The following USP24 variants were observed in gnomAD, a reference collection of about 807,000 sequenced individuals.
USP24 encodes ubiquitin carboxyl-terminal hydrolase 24.
USP24 carries 97 observed loss-of-function variants against 361.6 expected under a neutral mutation model. That is an observed-to-expected ratio of 0.27 (90% CI 0.23 to 0.32). The LOEUF (loss-of-function observed/expected upper bound fraction) is 0.32, where lower values mean the gene tolerates loss of function less well. Ranked by LOEUF, USP24 falls within the 10% of genes least tolerant of loss-of-function variation. The pLI, the probability that USP24 is intolerant of heterozygous loss-of-function variation, is 1.00. For synonymous variants in USP24, 1,098 were observed against 1,124.6 expected (o/e 0.98, Z 0.47); for missense variants, 2,353 against 3,165.6 (o/e 0.74, Z 6.16).
In USP24 at chr1:55,110,756, T is replaced by C. The variant is rs938639242; in HGVS notation, c.4509-510A>G. On this transcript the variant is annotated intron_variant, in intron 38 of 67. Transcript: ENST00000294383. ...ATCAAAGAAGCTTTTTCTGCAATTA[T>C]AGTAGTGAACAGCACAGGTTTTAGA... 6.6e-5 allele frequency among the ~76,000 whole-genome samples: 10 copies of C among 152,152 alleles called. No homozygotes were observed. In the East Asian group the frequency reaches 7.7e-4, roughly 12 times the overall value.
chr1:55,114,512 CA>C (rs1174379626), intron 38 of USP24, among the ~76,000 whole-genome samples: 1 of 152,122 alleles, frequency 6.6e-6, no homozygotes, highest in Non-Finnish European at 1.5e-5. Flanking sequence ...GCTACAGTAC[CA>C]AAACAGCATG....
intron 63 of USP24, among the ~76,000 whole-genome samples, chr1:55,074,317 A>G (rs1045732174): frequency 1.3e-5 from 2 of 152,092 alleles, no homozygotes; most frequent in African/African-American, 4.8e-5. Context: ...AGCAATTATC[A>G]CCTGCTCTAT....
At chr1:55,198,518 G>T (rs568712038) in intron 1 of USP24, among the ~76,000 whole-genome samples, 3 of 152,220 alleles carry the variant, frequency 2.0e-5, no homozygotes, top group African/African-American at 7.2e-5. Flanking sequence ...TGACAATTTG[G>T]GCTAGACAAT....
chr1:55,149,668 A>G (rs1457837083), intron 16 of USP24, among the ~76,000 whole-genome samples: 1 of 152,212 alleles, frequency 6.6e-6, no homozygotes, highest in East Asian at 1.9e-4. Context: ...AATTATGTCA[A>G]AAGAAACTCA....
At chr1:55,199,807 A>G (rs1314285963) in intron 1 of USP24, among the ~76,000 whole-genome samples, 1 of 152,188 alleles carries the variant, frequency 6.6e-6, no homozygotes, top group Non-Finnish European at 1.5e-5. Flanking sequence ...GTCCATTTTC[A>G]TGCCACTGAT....
At chr1:55,188,949 A>G (rs539109696) in intron 1 of USP24, among the ~76,000 whole-genome samples, 3 of 133,496 alleles carry the variant, frequency 2.2e-5, no homozygotes, top group Admixed American at 8.6e-5. Flanking sequence ...GGACAACAAG[A>G]GCAAAACTCC....
intron 32 of USP24, among the ~76,000 whole-genome samples, chr1:55,126,636 G>A (rs545451618): frequency 1.2e-4 from 18 of 152,328 alleles, no homozygotes; most frequent in Admixed American, 3.3e-4. Flanking sequence ...AAATGGCTGA[G>A]TGATGTGAAA....
chr1:55,178,450 C>T (rs373853967), intron 1 of USP24, among the ~76,000 whole-genome samples: 5 of 152,070 alleles, frequency 3.3e-5, no homozygotes, highest in South Asian at 2.1e-4. Context: ...GGGTGGATCA[C>T]GAGGTCAGGA....
chr1:55,092,692 C>T (rs1645409019), intron 53 of USP24, 129 bp downstream of exon 53: 11 of 666,320 alleles, frequency 1.7e-5, no homozygotes, highest in East Asian at 3.3e-5. Context: ...GCTACATTCA[C>T]GGGAAAACCT....
At chr1:55,080,357 A>G (rs1023687903) in intron 59 of USP24, among the ~76,000 whole-genome samples, 1 of 152,212 alleles carries the variant, frequency 6.6e-6, no homozygotes, top group African/African-American at 2.4e-5. Context: ...GCATTTCTCT[A>G]TCAGAAGGAT....
In USP24 at chr1:55,148,557, T is replaced by C. The variant is rs891684761; in HGVS notation, c.1874A>G (p.Asn625Ser). The change falls in exon 17 of 68, where the codon AAT becomes AGT. Residue 625 changes from asparagine (N) to serine (S), a missense_variant. Physicochemically the swap from Asn to Ser is conservative, Grantham distance 46. This residue lies in a region of USP24 where 386 missense variants were observed against 560.5 expected (regional missense o/e 0.69). Transcript: ENST00000294383. ...KKDGFKSSQL[N>S]NPQFVWVVPA... ...TACCACCCATACAAACTGGGGATTA[T>C]TAAGCTGAGATGACTAGAGTTAAAA... is the stretch of plus-strand genomic sequence containing the variant. 1.9e-6 allele frequency: 3 copies of C among 1,584,548 alleles called. No homozygotes were observed. In the African/African-American group the frequency reaches 4.0e-5, roughly 21 times the overall value.
At chr1:55,117,454 C>T (rs952773513) in intron 38 of USP24, among the ~76,000 whole-genome samples, 2 of 152,198 alleles carry the variant, frequency 1.3e-5, no homozygotes, top group African/African-American at 2.4e-5. Flanking sequence ...TGTGGCCGGG[C>T]GCGGTGGCTC....
Position 55,134,217 on chromosome 1 carries a change from A to G in USP24, c.3288-54T>C, listed in dbSNP as rs145683697. On this transcript the variant is annotated intron_variant, in intron 29 of 67. Coordinates refer to ENST00000294383, the MANE Select transcript of USP24 (RefSeq NM_015306.3). ...ATATAAGCCATAGTTTAATTCAACA[A>G]AGTCCATTAGTATGGAATATAAAAT... 630 of 1,583,740 alleles carry G rather than the reference A, an allele frequency of 4.0e-4. 6 individuals are homozygous for G. In the East Asian group the frequency reaches 0.014, roughly 34 times the overall value.
intron 1 of USP24, among the ~76,000 whole-genome samples, chr1:55,201,896 C>G (rs1333993541): frequency 2.0e-5 from 3 of 152,130 alleles, no homozygotes; most frequent in African/African-American, 7.2e-5. Flanking sequence ...CCTACCCTAT[C>G]TCTGCCAACT....
rs983175767 is a variant in USP24, at chr1:55,172,635, T to A, written c.559-115A>T. On this transcript the variant is annotated intron_variant, in intron 3 of 67. Transcript: ENST00000294383. ...ATTATGATGAAAATACTTTTTTATG[T>A]AGATGATTGGCTTTTAAAAGACCCA... The A allele has an allele frequency of 7.8e-6, 9 of 1,155,026 alleles. No individual in the cohort carries two copies. In the East Asian group the frequency reaches 1.9e-4, roughly 24 times the overall value. The allele number at this position is 1,155,026 out of a possible 1,614,324, so 71.5% of individuals were successfully genotyped here. A position where few individuals can be genotyped will look rare whatever the true frequency, so the allele number is the denominator to read the frequency against.
Position 55,132,569 on chromosome 1 carries a change from G to C in USP24, c.3513C>G (p.Thr1171=). 3.1e-6 allele frequency: 5 copies of C among 1,613,612 alleles called. No individual in the cohort carries two copies. The highest frequency in any genetic ancestry group is 4.2e-6 in the Non-Finnish European group (5 of 1,179,634). Residue 1171 remains threonine, a synonymous_variant, in exon 31 of 68, where the codon ACC becomes ACG. Coordinates refer to ENST00000294383, the MANE Select transcript of USP24 (RefSeq NM_015306.3). ...CTTCTAAGTTGTAGAGCACTCTGAA[G>C]GTAGACATTCCCGGGGCAAAAGATC... ...LFRSFAPGMS[T]FRVLYNLEVL...
chr1:55,119,855 A>G (rs1363319425), intron 38 of USP24, among the ~76,000 whole-genome samples: 6 of 152,108 alleles, frequency 3.9e-5, no homozygotes, highest in Non-Finnish European at 8.8e-5. Flanking sequence ...CTTTTATTTA[A>G]TGACTTCTTC....
chr1:55,071,420 C>T (rs374230838), intron 67 of USP24: 55 of 1,005,560 alleles, frequency 5.5e-5, no homozygotes, highest in African/African-American at 8.6e-5. Flanking sequence ...TTCAAGAGCA[C>T]GGGAGCTTTT....
chr1:55,163,185 T>C (rs1044014568), intron 7 of USP24, among the ~76,000 whole-genome samples: 6 of 151,792 alleles, frequency 4.0e-5, no homozygotes, highest in African/African-American at 1.4e-4. Context: ...TATGAAAGTA[T>C]AAAAAGAAAA....
Sources: allele counts gnomAD v4.1 joint callset (sites outside exome capture counted in the v4.1 genomes callset), GRCh38; gene constraint gnomAD v4.1.1; regional missense constraint gnomAD v4.1.1; transcripts MANE v1.5; gene names NCBI Gene and HGNC (gene_info 2026-07-23, HGNC 2026-07-21).